Variants in NRXN3 observed in about 807,000 individuals in gnomAD.
NRXN3 encodes the protein neurexin 3.
Under a neutral mutation model 137.6 loss-of-function variants are expected in NRXN3, and 32 were observed. That is an observed-to-expected ratio of 0.23 (90% confidence interval 0.18 to 0.31). The LOEUF is 0.31. NRXN3 is among the 10% of genes least tolerant of loss of function. The probability of loss-of-function intolerance (pLI) is 1.00; values close to 1 mark genes in which losing one functional copy is unlikely to be tolerated. For synonymous variants in NRXN3, 798 were observed against 784.5 expected, an observed-to-expected ratio of 1.02 and a Z score of -0.29; for missense variants, 1,574 against 2,062.5, an observed-to-expected ratio of 0.76 and a Z score of 4.59.
intron 10 of NRXN3, among the ~76,000 whole-genome samples, chr14:78,928,161 C>T (rs1308770711): frequency 6.6e-6 from 1 of 152,160 alleles, no homozygotes. Flanking sequence ...TCAATTTGCT[C>T]TCTGGGATCT....
At position 79,017,438 on chromosome 14, in the gene NRXN3, C is replaced by G. The variant is rs773060809; in HGVS notation, c.3262+29297C>G. 4.6e-5 allele frequency among the ~76,000 whole-genome samples: 7 copies of G among 151,864 alleles called. No individual in the cohort carries two copies. The East Asian group carries it at 1.4e-3, about 29-fold the overall frequency. ...ATCCATTCCCTCCTCCTCCCCATGCCGTTATCAACTTTATACATTGGACCC... is the reference window on the plus strand; with the variant it reads ...ATCCATTCCCTCCTCCTCCCCATGCGGTTATCAACTTTATACATTGGACCC... On this transcript the variant is annotated intron_variant, in intron 15 of 20. Coordinates refer to ENST00000335750, the MANE Select transcript of NRXN3 (RefSeq NM_001330195.2).
At chr14:78,239,499 G>A (rs929276749) in intron 1 of NRXN3, among the ~76,000 whole-genome samples, 5 of 152,114 alleles carry the variant, frequency 3.3e-5, no homozygotes, top group Admixed American at 2.0e-4. Context: ...ATTGTGTCAC[G>A]TTTCATGTCC....
At chr14:79,392,969 CAAAAAAAAA>C (rs3036678) in intron 15 of NRXN3, among the ~76,000 whole-genome samples, 2 of 60,706 alleles carry the variant, frequency 3.3e-5, no homozygotes, top group East Asian at 5.1e-4. Flanking sequence ...GGCTCCATCT[CAAAAAAAAA>C]AAAAAAAAAA....
chr14:79,039,321 A>T (rs1480395665), intron 15 of NRXN3, among the ~76,000 whole-genome samples: 2 of 152,146 alleles, frequency 1.3e-5, no homozygotes, highest in African/African-American at 4.8e-5. Context: ...CTGTATGTTA[A>T]TGGAACCCAT....
intron 16 of NRXN3, among the ~76,000 whole-genome samples, chr14:79,534,829 T>C (rs1295802738): frequency 1.3e-5 from 2 of 152,170 alleles, no homozygotes; most frequent in African/African-American, 4.8e-5. Context: ...TCAGGAAATG[T>C]CCTGGAACAC....
At chr14:79,550,800 T>A (rs1165160158) in intron 16 of NRXN3, among the ~76,000 whole-genome samples, 1 of 152,184 alleles carries the variant, frequency 6.6e-6, no homozygotes, top group East Asian at 1.9e-4. Context: ...TGTCCACAGT[T>A]TCCTCAACAC....
chr14:79,417,083 A>T (rs1032171415), intron 15 of NRXN3, among the ~76,000 whole-genome samples: 1 of 152,154 alleles, frequency 6.6e-6, no homozygotes, highest in Admixed American at 6.6e-5. Context: ...TACTAGATGC[A>T]TCTCTTGGAA....
At chr14:78,982,395 T>C (rs117102454) in intron 14 of NRXN3, among the ~76,000 whole-genome samples, 1 of 152,066 alleles carries the variant, frequency 6.6e-6, no homozygotes, top group Non-Finnish European at 1.5e-5. Context: ...TACGGTCCAG[T>C]AGGATTTGAA....
At chr14:78,526,469 C>T (rs968225720) in intron 4 of NRXN3, among the ~76,000 whole-genome samples, 7 of 152,148 alleles carry the variant, frequency 4.6e-5, no homozygotes, top group African/African-American at 1.7e-4. Context: ...GACATCTAGC[C>T]AAAAACAAAG....
At chr14:78,963,143 G>A (rs1323474533) in intron 11 of NRXN3, among the ~76,000 whole-genome samples, 1 of 150,790 alleles carries the variant, frequency 6.6e-6, no homozygotes, top group African/African-American at 2.5e-5. Flanking sequence ...TCCACGCTCA[G>A]TCTCTCTGCT....
At chr14:79,357,345 TAAAA>T (rs924044699) in intron 15 of NRXN3, among the ~76,000 whole-genome samples, 14 of 151,932 alleles carry the variant, frequency 9.2e-5, no homozygotes, top group African/African-American at 3.4e-4. Flanking sequence ...TTTAAAAAAA[TAAAA>T]AAAATTAACT....
intron 20 of NRXN3, among the ~76,000 whole-genome samples, chr14:79,806,955 T>TATAC (rs2099208900): frequency 1.4e-5 from 1 of 72,238 alleles, no homozygotes; most frequent in Non-Finnish European, 2.6e-5. Flanking sequence ...TATATATATA[T>TATAC]ATATATATTT....
chr14:78,972,998 T>C (rs2099448745), intron 14 of NRXN3: 1 of 152,208 alleles, frequency 6.6e-6, no homozygotes, highest in Non-Finnish European at 1.5e-5. Context: ...ATCTTCAAGC[T>C]GTCACACCTC....
intron 1 of NRXN3, among the ~76,000 whole-genome samples, chr14:78,241,882 C>G (rs935470730): frequency 2.0e-5 from 3 of 152,022 alleles, no homozygotes; most frequent in Non-Finnish European, 4.4e-5. Context: ...TACTCACCTT[C>G]CAGTTTATTT....
intron 19 of NRXN3, among the ~76,000 whole-genome samples, chr14:79,721,020 T>C (rs2098842578): frequency 6.6e-6 from 1 of 152,166 alleles, no homozygotes; most frequent in Non-Finnish European, 1.5e-5. Context: ...GGCTATAAAA[T>C]GCAGTATTTA....
intron 19 of NRXN3, among the ~76,000 whole-genome samples, chr14:79,749,605 T>C (rs546752787): frequency 6.6e-6 from 1 of 152,140 alleles, no homozygotes; most frequent in African/African-American, 2.4e-5. Context: ...TGAAACAACC[T>C]TGCCATTTGC....
chr14:79,587,631 T>C (rs533921855), intron 16 of NRXN3, among the ~76,000 whole-genome samples: 2 of 152,360 alleles, frequency 1.3e-5, no homozygotes, highest in South Asian at 2.1e-4. Context: ...GAAATCTATA[T>C]GTATAAATAG....
At chr14:78,556,865 C>G (rs1204867621) in intron 4 of NRXN3, among the ~76,000 whole-genome samples, 2 of 149,826 alleles carry the variant, frequency 1.3e-5, no homozygotes, top group African/African-American at 4.9e-5. Flanking sequence ...CCTCTCCTCT[C>G]TTCTCCTCTC....
At chr14:78,357,960 C>T (rs1418622895) in intron 4 of NRXN3, among the ~76,000 whole-genome samples, 1 of 152,144 alleles carries the variant, frequency 6.6e-6, no homozygotes, top group African/African-American at 2.4e-5. Flanking sequence ...TATGGTTGCA[C>T]TACATCTCAT....
Sources: allele counts gnomAD v4.1 joint callset (sites outside exome capture counted in the v4.1 genomes callset), GRCh38; gene constraint gnomAD v4.1.1; transcripts MANE v1.5; gene names NCBI Gene and HGNC (gene_info 2026-07-23, HGNC 2026-07-21).